The following PPARGC1A variants were observed in gnomAD, a reference collection of about 807,000 sequenced individuals.
PPARGC1A encodes peroxisome proliferator-activated receptor gamma coactivator 1-alpha.
A neutral mutation model predicts 88.7 loss-of-function variants in PPARGC1A; 25 were observed. The observed-to-expected ratio is 0.28, with a 90% confidence interval of 0.21 to 0.39. The LOEUF (loss-of-function observed/expected upper bound fraction) is 0.39. PPARGC1A is among the 10% of genes least tolerant of loss of function. PPARGC1A has a pLI of 1.00. For synonymous variants in PPARGC1A, 363 were observed against 355.6 expected (o/e 1.02, Z -0.24); for missense variants, 880 against 968.7 (o/e 0.91, Z 1.22).
At chr4:24,462,778 T>A in the PPARGC1A span, among the ~76,000 whole-genome samples, 1 of 150,688 alleles carries the variant, frequency 6.6e-6, no homozygotes, top group African/African-American at 2.4e-5. Context: ...AGCTGTCACA[T>A]CAGTAGGAAC....
At chr4:23,832,616 T>C (rs1725233755) in intron 2 of PPARGC1A, among the ~76,000 whole-genome samples, 1 of 149,952 alleles carries the variant, frequency 6.7e-6, no homozygotes, top group South Asian at 2.1e-4. Flanking sequence ...CTTTTTCTTT[T>C]TTTTTTTTTT....
At chr4:24,359,951 T>C in the PPARGC1A span, among the ~76,000 whole-genome samples, 1 of 152,184 alleles carries the variant, frequency 6.6e-6, no homozygotes, top group African/African-American at 2.4e-5. Flanking sequence ...AGGAAACTAA[T>C]ACATCCCTCA....
At chr4:24,387,882 GAAAGAAAGAAAGAA>G in the PPARGC1A span, among the ~76,000 whole-genome samples, 194 of 120,262 alleles carry the variant, frequency 1.6e-3, 7 homozygotes, top group African/African-American at 5.7e-3. Context: ...GAAAGAGAAA[GAAAGAAAGAAAGAA>G]AAAGAAAGAG....
the PPARGC1A span, among the ~76,000 whole-genome samples, chr4:24,400,780 T>G: frequency 6.6e-6 from 1 of 152,010 alleles, no homozygotes; most frequent in Non-Finnish European, 1.5e-5. Context: ...AGGATGATGG[T>G]GGGGAGGATG....
chr4:24,159,646 G>C, the PPARGC1A span, among the ~76,000 whole-genome samples: 1 of 152,144 alleles, frequency 6.6e-6, no homozygotes, highest in Non-Finnish European at 1.5e-5. Flanking sequence ...ATTAGGTTTT[G>C]TACATAAAAT....
At chr4:24,438,459 T>G in the PPARGC1A span, among the ~76,000 whole-genome samples, 1 of 152,186 alleles carries the variant, frequency 6.6e-6, no homozygotes, top group Non-Finnish European at 1.5e-5. Context: ...TCCTCCCACT[T>G]GTGTCTCACT....
At chr4:24,004,383 G>A in the PPARGC1A span, among the ~76,000 whole-genome samples, 1 of 152,184 alleles carries the variant, frequency 6.6e-6, no homozygotes. Context: ...ACAACACTCC[G>A]TGACTTTAGA....
the PPARGC1A span, among the ~76,000 whole-genome samples, chr4:24,088,729 T>C: frequency 7.2e-5 from 11 of 152,370 alleles, no homozygotes; most frequent in African/African-American, 2.4e-4. Flanking sequence ...ATTATTTCAT[T>C]AGAAGATCAT....
At chr4:24,084,210 G>A in the PPARGC1A span, among the ~76,000 whole-genome samples, 1 of 152,208 alleles carries the variant, frequency 6.6e-6, no homozygotes. Flanking sequence ...GACCGAGCAG[G>A]TGATCAATCA....
At chr4:24,345,753 C>T in the PPARGC1A span, among the ~76,000 whole-genome samples, 6 of 152,176 alleles carry the variant, frequency 3.9e-5, no homozygotes, top group South Asian at 2.1e-4. Context: ...TCCTCTTTAC[C>T]GATTCGGATG....
the PPARGC1A span, among the ~76,000 whole-genome samples, chr4:24,471,800 G>A: frequency 1.3e-5 from 2 of 152,264 alleles, no homozygotes; most frequent in African/African-American, 2.4e-5. This position sits in a 1 kb window ranked among gnomAD's most constrained non-coding sequence, Gnocchi z 5.4. Flanking sequence ...CGCGGGGTCA[G>A]GAGGAGCGGA....
the PPARGC1A span, among the ~76,000 whole-genome samples, chr4:24,414,157 T>C: frequency 6.6e-6 from 1 of 152,190 alleles, no homozygotes; most frequent in African/African-American, 2.4e-5. Flanking sequence ...AGCCATCACA[T>C]GTACTTATTT....
At chr4:24,422,025 G>C in the PPARGC1A span, among the ~76,000 whole-genome samples, 1 of 152,152 alleles carries the variant, frequency 6.6e-6, no homozygotes, top group South Asian at 2.1e-4. Flanking sequence ...ATAATGAGTC[G>C]TACTAAAAGG....
chr4:24,118,215 G>C, the PPARGC1A span, among the ~76,000 whole-genome samples: 5 of 152,194 alleles, frequency 3.3e-5, no homozygotes, highest in South Asian at 1.0e-3. Flanking sequence ...TCAAAACCAA[G>C]CACTTTGCCA....
At chr4:24,404,090 T>C in the PPARGC1A span, among the ~76,000 whole-genome samples, 150,829 of 151,766 alleles carry the variant, frequency 0.99, 74,956 homozygotes, top group Middle Eastern at 1. Context: ...GGTGAAACCC[T>C]GTCTCTACTA....
chr4:24,258,128 A>G, the PPARGC1A span: 1 of 720,024 alleles, frequency 1.4e-6, no homozygotes, highest in Non-Finnish European at 1.7e-6. Flanking sequence ...ATTTCCTGAT[A>G]TGGCAAGAGC....
chr4:23,862,795 G>A (rs1431576758), intron 2 of PPARGC1A, among the ~76,000 whole-genome samples: 2 of 152,120 alleles, frequency 1.3e-5, no homozygotes, highest in Admixed American at 1.3e-4. Context: ...ACTATGTGGG[G>A]CAAAAGGGGA....
the PPARGC1A span, among the ~76,000 whole-genome samples, chr4:23,930,375 T>C: frequency 6.6e-6 from 1 of 152,130 alleles, no homozygotes; most frequent in Non-Finnish European, 1.5e-5. Flanking sequence ...GTCAATCATA[T>C]TGTGGGGAGT....
chr4:24,366,627 A>G, the PPARGC1A span, among the ~76,000 whole-genome samples: 1 of 152,188 alleles, frequency 6.6e-6, no homozygotes, highest in Non-Finnish European at 1.5e-5. Context: ...GGGACGTTCC[A>G]AAGTCCATGC....
Sources: allele counts gnomAD v4.1 joint callset (sites outside exome capture counted in the v4.1 genomes callset), GRCh38; gene constraint gnomAD v4.1.1; non-coding constraint Gnocchi (gnomAD v3.1); transcripts MANE v1.5; gene names NCBI Gene and HGNC (gene_info 2026-07-23, HGNC 2026-07-21).